The following RHBDD1 variants were observed in gnomAD, a reference collection of about 807,000 sequenced individuals.
RHBDD1 encodes the protein rhomboid-related protein 4.
RHBDD1 carries 38 observed loss-of-function variants against 36.3 expected under a neutral mutation model. That is an observed-to-expected ratio of 1.05 (90% confidence interval 0.81 to 1.37). The LOEUF is 1.37. Among genes scored for constraint, RHBDD1 ranks in the 40% most tolerant of loss-of-function variants. RHBDD1 has a pLI of 0.00. For synonymous variants in RHBDD1, 151 were observed against 136.5 expected, an observed-to-expected ratio of 1.11 and a Z score of -0.74; for missense variants, 393 against 377.6, an observed-to-expected ratio of 1.04 and a Z score of -0.34.
intron 5 of RHBDD1, among the ~76,000 whole-genome samples, chr2:226,898,415 C>T (rs148680331): frequency 5.9e-5 from 9 of 152,262 alleles, no homozygotes; most frequent in East Asian, 5.8e-4. Flanking sequence ...CTTCTATCCC[C>T]GTGTCTGCAG....
rs185827695 is a variant in RHBDD1 at position 226,913,672 on chromosome 2, T to G, written c.713-536T>G. Reference sequence around the variant, plus strand: ...CTTGTTTTATCTAGAAACCTTTTTTTGGGGGGGAGCTATAATCTCTGACAT... The same window carrying G: ...CTTGTTTTATCTAGAAACCTTTTTTGGGGGGGGAGCTATAATCTCTGACAT... On this transcript the variant is annotated intron_variant, in intron 7 of 8. Coordinates refer to ENST00000392062, the MANE Select transcript of RHBDD1 (RefSeq NM_001167608.3). 2.8e-3 allele frequency among the ~76,000 whole-genome samples: 425 copies of G among 152,184 alleles called. 1 individual carries two copies. Among genetic ancestry groups the G allele is most frequent in the African/African-American group, 8.6e-3 (358 of 41,528 alleles).
At chr2:226,987,271 A>T (rs138129432) in intron 8 of RHBDD1, among the ~76,000 whole-genome samples, 1,862 of 152,198 alleles carry the variant, frequency 0.012, 28 homozygotes, top group Non-Finnish European at 0.016. Flanking sequence ...GCAGCAAACC[A>T]CCATGGCACA....
intron 3 of RHBDD1, among the ~76,000 whole-genome samples, chr2:226,842,344 T>C (rs1184031958): frequency 6.6e-6 from 1 of 152,200 alleles, no homozygotes; most frequent in Non-Finnish European, 1.5e-5. Context: ...TTTTGGTGTT[T>C]TCATCATGAA....
intron 8 of RHBDD1, among the ~76,000 whole-genome samples, chr2:226,937,044 G>A (rs1950376299): frequency 6.6e-6 from 1 of 152,080 alleles, no homozygotes; most frequent in Admixed American, 6.6e-5. Context: ...TTATAATACA[G>A]TGATTTAGAT....
At chr2:226,821,552 G>A in the RHBDD1 span, among the ~76,000 whole-genome samples, 1 of 151,324 alleles carries the variant, frequency 6.6e-6, no homozygotes, top group Non-Finnish European at 1.5e-5. Context: ...TATAATTTAG[G>A]AGTTTTATTT....
intron 3 of RHBDD1, 71 bp from the exon 4 acceptor site, chr2:226,864,533 T>C (rs1944155296): frequency 4.8e-6 from 3 of 623,070 alleles, no homozygotes; most frequent in Non-Finnish European, 8.6e-6. Context: ...GGAGTTTGTC[T>C]TGAAGCGAGT....
intron 8 of RHBDD1, among the ~76,000 whole-genome samples, chr2:226,928,939 C>G (rs1272647830): frequency 6.6e-6 from 1 of 151,984 alleles, no homozygotes; most frequent in Non-Finnish European, 1.5e-5. Context: ...TACAACCCTC[C>G]TAGCTTTAAT....
At chr2:226,990,936 CA>C (rs770406121) in intron 8 of RHBDD1, among the ~76,000 whole-genome samples, 2 of 152,070 alleles carry the variant, frequency 1.3e-5, no homozygotes, top group Non-Finnish European at 2.9e-5. Context: ...TGTAAATGTC[CA>C]ATGTATGATT....
the RHBDD1 span, chr2:226,807,594 G>A: frequency 6.6e-6 from 1 of 152,178 alleles, no homozygotes; most frequent in African/African-American, 2.4e-5. Context: ...CCTGACTGGA[G>A]GGCATTTGGC....
chr2:226,979,662 C>T (rs966305403), intron 8 of RHBDD1, among the ~76,000 whole-genome samples: 1 of 152,228 alleles, frequency 6.6e-6, no homozygotes, highest in African/African-American at 2.4e-5. Context: ...CCTGTTCTAG[C>T]CATACTGGCA....
intron 8 of RHBDD1, among the ~76,000 whole-genome samples, chr2:226,974,342 A>G (rs886511761): frequency 1.3e-5 from 2 of 151,848 alleles, no homozygotes; most frequent in African/African-American, 4.8e-5. Context: ...GGTTCACGCC[A>G]TTCTTCTGCC....
chr2:226,837,134 A>T (rs1941067985), intron 1 of RHBDD1, among the ~76,000 whole-genome samples: 1 of 152,216 alleles, frequency 6.6e-6, no homozygotes, highest in Non-Finnish European at 1.5e-5. Flanking sequence ...CATATAATGG[A>T]ATTTGAATTG....
At chr2:226,929,140 A>T (rs1949853125) in intron 8 of RHBDD1, among the ~76,000 whole-genome samples, 1 of 152,130 alleles carries the variant, frequency 6.6e-6, no homozygotes, top group Admixed American at 6.6e-5. Context: ...ATCGTCCCTA[A>T]TTCATTCTAT....
chr2:226,874,683 T>C (rs1945073170), intron 5 of RHBDD1, among the ~76,000 whole-genome samples: 1 of 152,232 alleles, frequency 6.6e-6, no homozygotes, highest in South Asian at 2.1e-4. Context: ...TAATCCTGGA[T>C]GATCTCTGTA....
intron 3 of RHBDD1, among the ~76,000 whole-genome samples, chr2:226,856,457 GT>G (rs1016418064): frequency 6.6e-6 from 1 of 152,102 alleles, no homozygotes; most frequent in African/African-American, 2.4e-5. Context: ...ATGCTAAGAA[GT>G]TTTATTGGAA....
At chr2:226,814,031 G>T in the RHBDD1 span, among the ~76,000 whole-genome samples, 1 of 152,134 alleles carries the variant, frequency 6.6e-6, no homozygotes, top group Non-Finnish European at 1.5e-5. Context: ...TATGCAATTT[G>T]TCTGATGTGT....
intron 3 of RHBDD1, among the ~76,000 whole-genome samples, chr2:226,854,221 C>A (rs1220519093): frequency 6.6e-6 from 1 of 152,074 alleles, no homozygotes; most frequent in African/African-American, 2.4e-5. Context: ...TACTCATCAA[C>A]AACTCTATGA....
At chr2:226,844,086 C>T (rs1000262076) in intron 3 of RHBDD1, among the ~76,000 whole-genome samples, 1 of 152,148 alleles carries the variant, frequency 6.6e-6, no homozygotes, top group Non-Finnish European at 1.5e-5. Context: ...TAAGTGAGCT[C>T]TTGAGGTTTG....
chr2:226,818,118 G>C, the RHBDD1 span, among the ~76,000 whole-genome samples: 1 of 150,470 alleles, frequency 6.6e-6, no homozygotes, highest in Non-Finnish European at 1.5e-5. Context: ...GATGTGGTTG[G>C]TCCATCTATA....
Sources: allele counts gnomAD v4.1 joint callset (sites outside exome capture counted in the v4.1 genomes callset), GRCh38; gene constraint gnomAD v4.1.1; transcripts MANE v1.5; gene names NCBI Gene and HGNC (gene_info 2026-07-23, HGNC 2026-07-21).